TENM2: variants seen among roughly 807,000 people sequenced by gnomAD.
TENM2 encodes the protein teneurin-2.
Under a neutral mutation model 245.2 loss-of-function variants are expected in TENM2, and 52 were observed. The ratio of observed to expected loss-of-function variants is 0.21; its 90% CI spans 0.17 to 0.27. The LOEUF (loss-of-function observed/expected upper bound fraction) is 0.27, where lower values mean the gene tolerates loss of function less well. TENM2 is among the 10% of genes least tolerant of loss of function. The pLI is 1.00. For missense variants in TENM2, 3,046 were observed against 3,666.8 expected, an observed-to-expected ratio of 0.83 and a Z score of 4.37; for synonymous variants, 1,363 against 1,438.9, an observed-to-expected ratio of 0.95 and a Z score of 1.19.
intron 2 of TENM2, among the ~76,000 whole-genome samples, chr5:167,675,651 C>A (rs1296587782): frequency 1.3e-5 from 2 of 152,026 alleles, no homozygotes; most frequent in Non-Finnish European, 2.9e-5. Context: ...AGGTTAGAAT[C>A]CCAGCTCTGC....
At chr5:167,238,410 A>G in the TENM2 span, among the ~76,000 whole-genome samples, 1 of 152,194 alleles carries the variant, frequency 6.6e-6, no homozygotes, top group Non-Finnish European at 1.5e-5. Flanking sequence ...ATCTTGCCAC[A>G]TAGAGTATTT....
At chr5:168,250,694 G>A (rs6868169) in intron 27 of TENM2, among the ~76,000 whole-genome samples, 67,373 of 151,994 alleles carry the variant, frequency 0.44, 16,981 homozygotes, top group South Asian at 0.6. Context: ...TTTCGGACCC[G>A]GAAGTTATGG....
At chr5:167,818,582 C>T (rs13435968) in intron 2 of TENM2, among the ~76,000 whole-genome samples, 8,014 of 152,082 alleles carry the variant, frequency 0.053, 681 homozygotes, top group African/African-American at 0.18. Flanking sequence ...CCCAAGGCCA[C>T]GGGGTCAGCA....
At chr5:167,748,733 G>A (rs1032877007) in intron 2 of TENM2, among the ~76,000 whole-genome samples, 2 of 152,090 alleles carry the variant, frequency 1.3e-5, no homozygotes, top group South Asian at 2.1e-4. Flanking sequence ...TGGCAGGGGA[G>A]AGAAGTGCAA....
At chr5:167,557,109 G>A (rs1439519705) in intron 2 of TENM2, among the ~76,000 whole-genome samples, 1 of 152,170 alleles carries the variant, frequency 6.6e-6, no homozygotes, top group African/African-American at 2.4e-5. Context: ...AAGCGTGTGT[G>A]CGTGTACACA....
At chr5:166,979,151 C>T in the TENM2 span, among the ~76,000 whole-genome samples, 1 of 144,580 alleles carries the variant, frequency 6.9e-6, no homozygotes, top group Non-Finnish European at 1.6e-5. Context: ...GCTTGGGCGT[C>T]CTCCTCCTAA....
At chr5:167,363,752 GA>G (rs1759862263) in intron 1 of TENM2, among the ~76,000 whole-genome samples, 3 of 122,364 alleles carry the variant, frequency 2.5e-5, no homozygotes, top group African/African-American at 5.9e-5. Flanking sequence ...AAAAAGAAAA[GA>G]AAAAGAAAAA....
At chr5:167,999,677 T>G (rs1322939471) in intron 5 of TENM2, among the ~76,000 whole-genome samples, 2 of 152,222 alleles carry the variant, frequency 1.3e-5, no homozygotes, top group Non-Finnish European at 2.9e-5. Flanking sequence ...CTGGGGGACT[T>G]GAAGTGCTTC....
chr5:167,471,544 A>G (rs753196227), intron 2 of TENM2, among the ~76,000 whole-genome samples: 2 of 152,252 alleles, frequency 1.3e-5, no homozygotes, highest in Non-Finnish European at 2.9e-5. Flanking sequence ...AAAAAAAATC[A>G]GTTCTGAAGA....
chr5:167,646,194 TGTTTTC>T (rs1309365793), intron 2 of TENM2, among the ~76,000 whole-genome samples: 4 of 111,900 alleles, frequency 3.6e-5, no homozygotes, highest in South Asian at 3.0e-4. Context: ...ATATATATGT[TGTTTTC>T]ATATATATAT....
At chr5:167,113,762 G>A in the TENM2 span, among the ~76,000 whole-genome samples, 2 of 151,914 alleles carry the variant, frequency 1.3e-5, no homozygotes, top group Admixed American at 1.3e-4. Context: ...CAATACATAT[G>A]CATAGAAAAT....
the TENM2 span, among the ~76,000 whole-genome samples, chr5:167,226,091 T>C: frequency 6.6e-6 from 1 of 151,980 alleles, no homozygotes; most frequent in Admixed American, 6.6e-5. Context: ...ATTTTGTTTA[T>C]CTTTTCAAAA....
At chr5:167,568,657 G>A (rs931396117) in intron 2 of TENM2, among the ~76,000 whole-genome samples, 1 of 150,374 alleles carries the variant, frequency 6.7e-6, no homozygotes, top group African/African-American at 2.4e-5. Flanking sequence ...GTGTGTGTGT[G>A]TGTGTGTGTG....
At chr5:168,124,496 A>T (rs2152350790) in intron 10 of TENM2, among the ~76,000 whole-genome samples, 1 of 152,334 alleles carries the variant, frequency 6.6e-6, no homozygotes, top group Middle Eastern at 3.4e-3. Flanking sequence ...TTCCTATCGC[A>T]GATGCTCTGA....
chr5:167,723,263 C>T (rs1582842396), intron 2 of TENM2, among the ~76,000 whole-genome samples: 2 of 152,202 alleles, frequency 1.3e-5, no homozygotes, highest in East Asian at 3.9e-4. Context: ...AAAGTTCATT[C>T]CAGACGCCCA....
chr5:167,403,896 A>G (rs990169732), intron 2 of TENM2, among the ~76,000 whole-genome samples: 2 of 143,308 alleles, frequency 1.4e-5, no homozygotes, highest in African/African-American at 5.3e-5. Flanking sequence ...GCATGATGCC[A>G]CAACTGTTTT....
chr5:167,132,645 CAATGGT>C, the TENM2 span, among the ~76,000 whole-genome samples: 5 of 152,060 alleles, frequency 3.3e-5, no homozygotes, highest in Non-Finnish European at 7.4e-5. Flanking sequence ...GAGTGGTAGA[CAATGGT>C]CTAACAAGGT....
At chr5:167,708,759 C>T (rs963411683) in intron 2 of TENM2, among the ~76,000 whole-genome samples, 5 of 152,060 alleles carry the variant, frequency 3.3e-5, no homozygotes, top group East Asian at 3.9e-4. Context: ...ATGCTTTTAC[C>T]GTACAGTGCC....
At chr5:168,067,110 C>T (rs1268003828) in intron 7 of TENM2, among the ~76,000 whole-genome samples, 2 of 152,180 alleles carry the variant, frequency 1.3e-5, no homozygotes, top group Non-Finnish European at 1.5e-5. Context: ...TGGGACTTCA[C>T]CTTCTCCACA....
Sources: allele counts gnomAD v4.1 joint callset (sites outside exome capture counted in the v4.1 genomes callset), GRCh38; gene constraint gnomAD v4.1.1; transcripts MANE v1.5; gene names NCBI Gene and HGNC (gene_info 2026-07-23, HGNC 2026-07-21).